The following P2RY8 variants were observed in gnomAD, a reference collection of about 807,000 sequenced individuals.
P2RY8 encodes P2Y receptor family member 8.
P2RY8 carries 6 observed loss-of-function variants against 10.0 expected under a neutral mutation model. The ratio of observed to expected loss-of-function variants is 0.60; its 90% CI spans 0.33 to 1.19. P2RY8 has a LOEUF of 1.19. Ranked by LOEUF, P2RY8 falls within the 50% of genes most tolerant of loss-of-function variation. The probability of loss-of-function intolerance (pLI) is 0.04; values close to 1 mark genes in which losing one functional copy is unlikely to be tolerated. For missense variants in P2RY8, 456 were observed against 542.0 expected (o/e 0.84, Z 1.58); for synonymous variants, 276 against 252.5 (o/e 1.09, Z -0.88).
At chrX:1,480,489 G>A (rs1241678960) in intron 1 of P2RY8, among the ~76,000 whole-genome samples, 1 of 141,106 alleles carries the variant, frequency 7.1e-6, no homozygotes, top group African/African-American at 2.7e-5. Flanking sequence ...CTGGCCTCAA[G>A]AGATCCTTCT....
intron 1 of P2RY8, among the ~76,000 whole-genome samples, chrX:1,532,273 AAC>A (rs1356026744): frequency 6.7e-6 from 1 of 149,772 alleles, no homozygotes. Flanking sequence ...CACACACACA[AAC>A]ACACACACAT....
intron 1 of P2RY8, among the ~76,000 whole-genome samples, chrX:1,498,780 C>T (rs1335260375): frequency 3.3e-5 from 5 of 151,588 alleles, no homozygotes; most frequent in East Asian, 2.0e-4. Context: ...TCTTGTGATC[C>T]GCCCTCCTCA....
chrX:1,510,308 G>A (rs1397725717), intron 1 of P2RY8, among the ~76,000 whole-genome samples: 6 of 152,104 alleles, frequency 3.9e-5, no homozygotes, highest in African/African-American at 7.2e-5. Context: ...GAGTAGCTGC[G>A]AGGAACACCA....
In P2RY8 at chrX:1,465,996, G is replaced by C. The variant is rs773457055; in HGVS notation, c.563C>G (p.Ala188Gly). 1 of 1,612,080 alleles carries C rather than the reference G, an allele frequency of 6.2e-7. No homozygotes were observed. Among genetic ancestry groups the C allele is most frequent in the Non-Finnish European group, 8.5e-7 (1 of 1,179,788 alleles). Residue 188 changes from alanine (A) to glycine (G), a missense_variant, in exon 2 of 2, where the codon GCC (alanine) becomes GGC (glycine). Transcript: ENST00000381297. ...GGTGAAGAGGAACACGGCCCACATG[G>C]CCACGCTGGGGAGCATCGTCCACTT... ...VLKWTMLPSVAMWAVFLFTIF... is the reference protein window; with the variant it reads ...VLKWTMLPSVGMWAVFLFTIF...
chrX:1,462,827 ATG>A lies in P2RY8; in HGVS notation c.*2650_*2651del, dbSNP rs1181117821. Reference sequence around the variant, plus strand: ...GAAGTAAAGTTTTCCATCTTAAAACATGTGTGTGAGTCAATAGACCTGTGTTA... The same window carrying A: ...GAAGTAAAGTTTTCCATCTTAAAACATGTGTGAGTCAATAGACCTGTGTTA... On this transcript the variant is annotated 3_prime_UTR_variant, in exon 2 of 2. Coordinates refer to ENST00000381297, the MANE Select transcript of P2RY8 (RefSeq NM_178129.5). 4.3e-6 allele frequency: 1 copy of A among 232,944 alleles called. No individual in the cohort carries two copies. The allele number at this position is 232,944 out of a possible 1,614,324, so 14.4% of individuals were successfully genotyped here.
At chrX:1,528,378 T>C (rs1381217743) in intron 1 of P2RY8, among the ~76,000 whole-genome samples, 1 of 152,194 alleles carries the variant, frequency 6.6e-6, no homozygotes, top group African/African-American at 2.4e-5. Flanking sequence ...TTCCTGGAGA[T>C]TCCATCAGAG....
chrX:1,513,644 C>G (rs2092316810), intron 1 of P2RY8, among the ~76,000 whole-genome samples: 1 of 151,858 alleles, frequency 6.6e-6, no homozygotes, highest in African/African-American at 2.4e-5. Context: ...CTGCAAAGAC[C>G]CTATTTCCAA....
At chrX:1,488,649 C>G (rs1274765129) in intron 1 of P2RY8, among the ~76,000 whole-genome samples, 1 of 152,136 alleles carries the variant, frequency 6.6e-6, no homozygotes, top group Admixed American at 6.5e-5. Context: ...CCTCTCCTCC[C>G]CACCAGGTAC....
chrX:1,504,257 G>A (rs1212848746), intron 1 of P2RY8, among the ~76,000 whole-genome samples: 1 of 151,358 alleles, frequency 6.6e-6, no homozygotes. Context: ...CGGAGGTTGC[G>A]GTGAGCCGAG....
chrX:1,532,076 G>A (rs1363446663), intron 1 of P2RY8, among the ~76,000 whole-genome samples: 1 of 150,892 alleles, frequency 6.6e-6, no homozygotes, highest in African/African-American at 2.5e-5. Context: ...GTAGAGGAAA[G>A]TAACTCATTA....
intron 1 of P2RY8, among the ~76,000 whole-genome samples, chrX:1,510,641 G>C (rs775595495): frequency 2.6e-5 from 4 of 152,216 alleles, no homozygotes; most frequent in Non-Finnish European, 5.9e-5. Context: ...ACTTTGGGAG[G>C]CTGAGATGGG....
chrX:1,486,603 TC>T (rs1170216585), intron 1 of P2RY8, among the ~76,000 whole-genome samples: 1 of 152,218 alleles, frequency 6.6e-6, no homozygotes, highest in Non-Finnish European at 1.5e-5. Context: ...AGGGGGTGTT[TC>T]CTTTTGCAGG....
intron 1 of P2RY8, among the ~76,000 whole-genome samples, chrX:1,510,833 C>T (rs1175979619): frequency 6.6e-6 from 1 of 151,656 alleles, no homozygotes; most frequent in Non-Finnish European, 1.5e-5. Context: ...GAGCCGTGAT[C>T]GCGTCACTGC....
At chrX:1,481,928 A>T (rs1425411294) in intron 1 of P2RY8, among the ~76,000 whole-genome samples, 2 of 152,010 alleles carry the variant, frequency 1.3e-5, no homozygotes, top group East Asian at 3.9e-4. Context: ...ATTTTCCTGT[A>T]TTGCATCACC....
chrX:1,490,565 G>C (rs2092035782), intron 1 of P2RY8, among the ~76,000 whole-genome samples: 2 of 146,070 alleles, frequency 1.4e-5, no homozygotes, highest in Admixed American at 1.4e-4. Flanking sequence ...TGCAAATGTA[G>C]AGAGAATGAA....
At chrX:1,524,808 T>TCCAC in intron 1 of P2RY8, among the ~76,000 whole-genome samples, 1 of 16,796 alleles carries the variant, frequency 6.0e-5, no homozygotes, top group Non-Finnish European at 1.3e-4. Flanking sequence ...CATCCACTCA[T>TCCAC]CCATCCATCC....
chrX:1,474,402 T>G (rs1367847541), intron 1 of P2RY8, among the ~76,000 whole-genome samples: 3 of 87,872 alleles, frequency 3.4e-5, no homozygotes, highest in Non-Finnish European at 5.2e-5. Context: ...TGGATCAGTG[T>G]TTAGGTGGAT....
At chrX:1,498,890 A>G (rs1483497431) in intron 1 of P2RY8, among the ~76,000 whole-genome samples, 1 of 151,306 alleles carries the variant, frequency 6.6e-6, no homozygotes, top group Non-Finnish European at 1.5e-5. Context: ...GCTGGAGTGC[A>G]GTGGCACGAT....
chrX:1,533,875 T>G (rs1332148288), intron 1 of P2RY8, among the ~76,000 whole-genome samples: 1 of 122,614 alleles, frequency 8.2e-6, no homozygotes, highest in East Asian at 2.7e-4. Flanking sequence ...TATTATTTAT[T>G]ATTTATATAT....
Sources: allele counts gnomAD v4.1 joint callset (sites outside exome capture counted in the v4.1 genomes callset), GRCh38; gene constraint gnomAD v4.1.1; transcripts MANE v1.5; gene names NCBI Gene and HGNC (gene_info 2026-07-23, HGNC 2026-07-21).